The following RABGAP1 variants were observed in gnomAD, a reference collection of about 807,000 sequenced individuals.
RABGAP1 encodes RAB GTPase activating protein 1.
In RABGAP1, 23 loss-of-function variants were observed where a neutral mutation model predicts 137.6. The observed-to-expected ratio is 0.17, with a 90% CI of 0.12 to 0.24. The LOEUF (loss-of-function observed/expected upper bound fraction) is 0.24. Among genes scored for constraint, RABGAP1 ranks in the 10% least tolerant of loss-of-function variants. The probability of loss-of-function intolerance (pLI) is 1.00; values close to 1 mark genes in which losing one functional copy is unlikely to be tolerated. For synonymous variants in RABGAP1, 451 were observed against 450.7 expected (o/e 1.00, Z -0.01); for missense variants, 906 against 1,275.8 (o/e 0.71, Z 4.42).
intron 15 of RABGAP1, 46 bp from the exon 16 acceptor site, chr9:123,073,505 TC>T: frequency 3.2e-6 from 5 of 1,573,960 alleles, no homozygotes; most frequent in Non-Finnish European, 4.3e-6. Context: ...GTTTTGTGAT[TC>T]CCCACCGCCA....
At chr9:123,029,333 TAATAAAG>T in intron 13 of RABGAP1, 1 of 742,158 alleles carries the variant, frequency 1.3e-6, no homozygotes, top group Non-Finnish European at 2.3e-6. Context: ...TTTTTTTACT[TAATAAAG>T]TTTTATTTTT....
rs1239500269 is a variant in RABGAP1 at position 123,010,499 on chromosome 9, C to G, written c.1520C>G (p.Pro507Arg). Residue 507 changes from proline to arginine, a missense_variant, in exon 11 of 26, where the codon CCT becomes CGT. Pro to Arg is a moderately radical substitution (Grantham distance 103). Coordinates refer to ENST00000373647, the MANE Select transcript of RABGAP1 (RefSeq NM_012197.4). ...PQSGSQSSVI[P>R]SPPEDDEEED... ...TCTGGATCGCAAAGTTCAGTGATAC[C>G]TTCTCCTCCAGAAGATGATGAAGAG... 1.2e-6 allele frequency: 2 copies of G among 1,613,710 alleles called. No homozygotes were observed. Among genetic ancestry groups the G allele is most frequent in the Non-Finnish European group, 1.7e-6 (2 of 1,179,734 alleles).
At chr9:122,933,417 G>A in the RABGAP1 span, among the ~76,000 whole-genome samples, 21 of 148,532 alleles carry the variant, frequency 1.4e-4, no homozygotes, top group Non-Finnish European at 3.0e-4. Flanking sequence ...GTAACTATTT[G>A]CATGTTATAT....
intron 6 of RABGAP1, chr9:122,990,784 AAAAAAAAAAAAAATATATATATATATAT>A (rs1293783559): frequency 2.4e-5 from 2 of 82,608 alleles, no homozygotes; most frequent in East Asian, 5.2e-4. Flanking sequence ...AAAAAAAAAA[AAAAAAAAAAAAAATATATATATATATAT>A]ATATATATAT....
chr9:122,985,187 A>G (rs1324590206), intron 3 of RABGAP1, among the ~76,000 whole-genome samples: 1 of 152,238 alleles, frequency 6.6e-6, no homozygotes, highest in Non-Finnish European at 1.5e-5. Context: ...GGACAACTTA[A>G]AAGACTCATT....
chr9:122,982,629 A>G (rs971627483), intron 2 of RABGAP1, among the ~76,000 whole-genome samples: 15 of 152,164 alleles, frequency 9.9e-5, no homozygotes, highest in African/African-American at 3.4e-4. Flanking sequence ...AAATTAGTTT[A>G]GGTTCACTTG....
Position 122,992,012 on chromosome 9 carries a change from T to A in RABGAP1, c.923+1799T>A, listed in dbSNP as rs576634514. ...AATTTTAAGTAGTTTTTTACCTTGT[T>A]AAGCAACCTTTAAACTAAATATATT... On this transcript the variant is annotated intron_variant, in intron 6 of 25. Coordinates refer to ENST00000373647, the MANE Select transcript of RABGAP1 (RefSeq NM_012197.4). Among the ~76,000 whole-genome samples, 88 of 152,250 alleles carry A rather than the reference T, an allele frequency of 5.8e-4. 1 individual carries two copies. In the South Asian group the frequency reaches 0.018, roughly 31 times the overall value.
At chr9:123,064,545 C>G (rs1448356327) in intron 13 of RABGAP1, among the ~76,000 whole-genome samples, 2 of 152,090 alleles carry the variant, frequency 1.3e-5, no homozygotes, top group East Asian at 3.9e-4. Context: ...TGTATTCTTA[C>G]CAAGGGGAAT....
intron 2 of RABGAP1, among the ~76,000 whole-genome samples, chr9:122,965,397 T>A (rs1411780159): frequency 6.6e-6 from 1 of 152,008 alleles, no homozygotes; most frequent in South Asian, 2.1e-4. Flanking sequence ...CTAAAAAAAA[T>A]TTTTTTTGAG....
At chr9:123,022,516 C>T (rs1261111353) in intron 13 of RABGAP1, among the ~76,000 whole-genome samples, 2 of 152,048 alleles carry the variant, frequency 1.3e-5, no homozygotes, top group Non-Finnish European at 2.9e-5. Context: ...AAGCGATTCT[C>T]CTGCCGCAGC....
intron 13 of RABGAP1, among the ~76,000 whole-genome samples, chr9:123,048,515 C>G (rs1797933761): frequency 6.6e-6 from 1 of 152,108 alleles, no homozygotes; most frequent in Non-Finnish European, 1.5e-5. Flanking sequence ...TTTACAAAAT[C>G]TTTAAACAAA....
chr9:123,098,813 C>A lies in RABGAP1; in HGVS notation c.2817+15C>A. The A allele has an allele frequency of 6.2e-7, 1 of 1,603,148 alleles. No homozygotes were observed. Among genetic ancestry groups the A allele is most frequent in the Non-Finnish European group, 8.5e-7 (1 of 1,171,318 alleles). ...ACTATAAGCAGGTAGGTTCCAGTAC[C>A]CTGGGATTGGGCTGTGTAATCTGGG... On this transcript the variant is annotated intron_variant, in intron 23 of 25. Coordinates refer to ENST00000373647, the MANE Select transcript of RABGAP1 (RefSeq NM_012197.4).
intron 6 of RABGAP1, among the ~76,000 whole-genome samples, chr9:122,995,281 A>G (rs901445749): frequency 2.6e-5 from 4 of 152,168 alleles, no homozygotes; most frequent in Non-Finnish European, 5.9e-5. Context: ...CCTCATTTCT[A>G]TTACTTTTTA....
At chr9:122,978,159 C>T (rs1227165098) in intron 2 of RABGAP1, among the ~76,000 whole-genome samples, 5 of 152,172 alleles carry the variant, frequency 3.3e-5, no homozygotes, top group African/African-American at 9.7e-5. Flanking sequence ...AAAGTCCCCT[C>T]GTGCATCTAT....
chr9:123,074,807 C>A (rs1209075975), intron 17 of RABGAP1, among the ~76,000 whole-genome samples: 1 of 152,108 alleles, frequency 6.6e-6, no homozygotes, highest in African/African-American at 2.4e-5. Flanking sequence ...GAGTAGCACA[C>A]CAGCCATTAT....
At chr9:123,079,420 G>A (rs1219979588) in intron 19 of RABGAP1, among the ~76,000 whole-genome samples, 1 of 151,588 alleles carries the variant, frequency 6.6e-6, no homozygotes, top group East Asian at 1.9e-4. Context: ...TGTATTTTTG[G>A]TAGAGACAGC....
At chr9:123,099,664 G>T in intron 24 of RABGAP1, 115 bp downstream of exon 24, 1 of 840,810 alleles carries the variant, frequency 1.2e-6, no homozygotes. Context: ...TAAGCAATAA[G>T]GCACCTGTCA....
At position 122,947,328 on chromosome 9, in the gene RABGAP1, G is replaced by T. The variant is rs192862449; in HGVS notation, c.-50+6235G>T. 3.0e-4 allele frequency among the ~76,000 whole-genome samples: 45 copies of T among 152,246 alleles called. 1 individual carries two copies. In the East Asian group the frequency reaches 7.9e-3, roughly 27 times the overall value. ...ATGGAAAGTAGAATAGTGGTTTTTG[G>T]AGGAGGAAGAGAATAGGGAATTAGT... On this transcript the variant is annotated intron_variant, in intron 1 of 25. Coordinates refer to ENST00000373647, the MANE Select transcript of RABGAP1 (RefSeq NM_012197.4).
At chr9:122,948,523 C>T (rs765050201) in intron 1 of RABGAP1, among the ~76,000 whole-genome samples, 24 of 152,106 alleles carry the variant, frequency 1.6e-4, no homozygotes, top group South Asian at 2.1e-4. Flanking sequence ...AAAACTTGTT[C>T]GTACCATGTT....
Sources: allele counts gnomAD v4.1 joint callset (sites outside exome capture counted in the v4.1 genomes callset), GRCh38; gene constraint gnomAD v4.1.1; transcripts MANE v1.5; gene names NCBI Gene and HGNC (gene_info 2026-07-23, HGNC 2026-07-21).